Variants in CAST observed in about 807,000 individuals in gnomAD.
CAST encodes the protein MIR583 host.
In CAST, 76 loss-of-function variants were observed where a neutral mutation model predicts 119.6. The observed-to-expected ratio is 0.64, with a 90% confidence interval of 0.53 to 0.77. CAST has a LOEUF of 0.77. CAST is among the 30% of genes least tolerant of loss of function. The pLI is 0.00. For synonymous variants in CAST, 319 were observed against 331.6 expected, an observed-to-expected ratio of 0.96 and a Z score of 0.41; for missense variants, 953 against 946.5, an observed-to-expected ratio of 1.01 and a Z score of -0.09.
chr5:96,230,432 T>G, the CAST span, among the ~76,000 whole-genome samples: 2 of 152,190 alleles, frequency 1.3e-5, no homozygotes, highest in African/African-American at 4.8e-5. Flanking sequence ...AATTATCATC[T>G]GTAAAATTAA....
chr5:96,418,749 A>G, the CAST span, among the ~76,000 whole-genome samples: 1 of 152,156 alleles, frequency 6.6e-6, no homozygotes, highest in African/African-American at 2.4e-5. Context: ...ACTTTTTATT[A>G]TACCTTCTGA....
chr5:96,239,306 A>T, the CAST span, among the ~76,000 whole-genome samples: 4 of 152,028 alleles, frequency 2.6e-5, no homozygotes, highest in African/African-American at 7.2e-5. Context: ...GTATTGTTTT[A>T]TTATTAATTT....
At chr5:96,702,855 C>T in intron 3 of CAST, 1 of 985,508 alleles carries the variant, frequency 1.0e-6, no homozygotes, top group Non-Finnish European at 1.2e-6. Flanking sequence ...CCGAGCCCAG[C>T]TAGGAATGCA....
At chr5:96,414,612 A>G in the CAST span, among the ~76,000 whole-genome samples, 1 of 152,196 alleles carries the variant, frequency 6.6e-6, no homozygotes, top group Non-Finnish European at 1.5e-5. Context: ...GGAAAACATC[A>G]GTAGGCTTGG....
chr5:96,288,943 G>A, the CAST span, among the ~76,000 whole-genome samples: 1 of 152,010 alleles, frequency 6.6e-6, no homozygotes, highest in Non-Finnish European at 1.5e-5. Context: ...TGGTTAATGA[G>A]CAGGCTTTTT....
At chr5:96,756,394 T>A (rs1365350478) in intron 22 of CAST, among the ~76,000 whole-genome samples, 1 of 152,214 alleles carries the variant, frequency 6.6e-6, no homozygotes, top group Non-Finnish European at 1.5e-5. Context: ...AAGGCAAAAG[T>A]CAGTCATGAG....
chr5:96,084,084 A>G, the CAST span, among the ~76,000 whole-genome samples: 2 of 152,250 alleles, frequency 1.3e-5, no homozygotes, highest in Non-Finnish European at 2.9e-5. Context: ...ATAAAACATT[A>G]TAATTAGGCT....
chr5:96,356,572 C>T, the CAST span, among the ~76,000 whole-genome samples: 1 of 152,158 alleles, frequency 6.6e-6, no homozygotes, highest in Non-Finnish European at 1.5e-5. Context: ...TTTTTCAACA[C>T]CATTTATTAA....
At chr5:96,354,763 G>A in the CAST span, among the ~76,000 whole-genome samples, 94 of 149,072 alleles carry the variant, frequency 6.3e-4, no homozygotes, top group African/African-American at 2.1e-3. Flanking sequence ...ATATATTTAC[G>A]TATATATTTC....
At chr5:96,140,388 A>G in the CAST span, among the ~76,000 whole-genome samples, 4 of 152,248 alleles carry the variant, frequency 2.6e-5, no homozygotes, top group African/African-American at 7.2e-5. Context: ...TATAAAAGTT[A>G]TCATACTTTT....
the CAST span, chr5:96,395,061 T>G: frequency 6.7e-7 from 1 of 1,497,242 alleles, no homozygotes; most frequent in South Asian, 1.1e-5. Context: ...AGTATGTGTT[T>G]TAGATAATAT....
the CAST span, chr5:96,423,339 T>C: frequency 3.1e-6 from 5 of 1,612,526 alleles, no homozygotes; most frequent in Non-Finnish European, 4.2e-6. Context: ...TCCGTGTGAT[T>C]CCACTCCAAA....
intron 19 of CAST, among the ~76,000 whole-genome samples, chr5:96,749,978 G>A (rs1445881296): frequency 6.6e-6 from 1 of 152,090 alleles, no homozygotes; most frequent in Non-Finnish European, 1.5e-5. Context: ...CTTAGTACAT[G>A]GGGCAGGGGT....
chr5:96,520,055 A>C, the CAST span, among the ~76,000 whole-genome samples: 1 of 152,194 alleles, frequency 6.6e-6, no homozygotes, highest in African/African-American at 2.4e-5. Context: ...TAATATCCTC[A>C]ACAAAGCACC....
At chr5:96,041,589 T>C in the CAST span, among the ~76,000 whole-genome samples, 1 of 152,064 alleles carries the variant, frequency 6.6e-6, no homozygotes, top group African/African-American at 2.4e-5. Context: ...AAATATGAGT[T>C]CACTAACTAT....
At chr5:96,566,670 T>G (rs1746474607) in intron 1 of CAST, among the ~76,000 whole-genome samples, 1 of 152,156 alleles carries the variant, frequency 6.6e-6, no homozygotes, top group African/African-American at 2.4e-5. Flanking sequence ...ATTTAAAGTC[T>G]AAAACTAAAG....
rs1168946065 is a variant in CAST at position 96,737,551 on chromosome 5, A to G, written c.700-298A>G. Among the ~76,000 whole-genome samples the G allele has an allele frequency of 4.6e-5, 7 of 152,302 alleles. No homozygotes were observed. The South Asian group carries it at 6.2e-4, about 14-fold the overall frequency. ...TTTTTCCTTTTTTAACTGTCAGTGC[A>G]TCGGACTGGCAGCTTTAATGAACTT... is the stretch of plus-strand genomic sequence containing the variant. On this transcript the variant is annotated intron_variant, in intron 10 of 31. Transcript: ENST00000675179.
At chr5:96,677,868 T>G (rs1332722301) in intron 2 of CAST, among the ~76,000 whole-genome samples, 1 of 152,194 alleles carries the variant, frequency 6.6e-6, no homozygotes, top group Admixed American at 6.5e-5. Context: ...CTCCTTAAAT[T>G]CTGCCTGTAT....
rs146390157 is a variant in CAST at position 96,636,323 on chromosome 5, T to C, written c.61-39216T>C. On this transcript the variant is annotated intron_variant, in intron 1 of 11. Coordinates refer to the CAST transcript ENST00000505143. ...TAGCAGCACTCGAGGGATGGACTCATTACTAGTGGGAAAAATTTGGTATTC... is the reference window on the plus strand; with the variant it reads ...TAGCAGCACTCGAGGGATGGACTCACTACTAGTGGGAAAAATTTGGTATTC... Among the ~76,000 whole-genome samples the C allele has an allele frequency of 6.6e-5, 10 of 152,300 alleles. No individual in the cohort carries two copies. In the East Asian group the frequency reaches 1.9e-3, roughly 29 times the overall value.
Sources: allele counts gnomAD v4.1 joint callset (sites outside exome capture counted in the v4.1 genomes callset), GRCh38; gene constraint gnomAD v4.1.1; transcripts MANE v1.5; gene names NCBI Gene and HGNC (gene_info 2026-07-23, HGNC 2026-07-21).